PTPN2: variants seen among roughly 807,000 people sequenced by gnomAD.
The protein encoded by PTPN2 is tyrosine-protein phosphatase non-receptor type 2.
In PTPN2, 19 loss-of-function variants were observed where a neutral mutation model predicts 57.3. The ratio of observed to expected loss-of-function variants is 0.33; its 90% CI spans 0.23 to 0.49. PTPN2 has a LOEUF of 0.49. Among genes scored for constraint, PTPN2 ranks in the 20% least tolerant of loss-of-function variants. The pLI is 0.99. For missense variants in PTPN2, 358 were observed against 501.1 expected (o/e 0.71, Z 2.73); for synonymous variants, 153 against 164.9 (o/e 0.93, Z 0.55).
At chr18:12,814,426 T>C in intron 6 of PTPN2, 71 bp from the exon 7 acceptor site, 1 of 1,324,328 alleles carries the variant, frequency 7.6e-7, no homozygotes, top group Non-Finnish European at 1.0e-6. Flanking sequence ...TGCAAGATCA[T>C]TGCTAAGATT....
chr18:12,870,569 C>T (rs576920815), intron 1 of PTPN2, among the ~76,000 whole-genome samples: 39 of 126,338 alleles, frequency 3.1e-4, no homozygotes, highest in African/African-American at 9.4e-4. Context: ...AGTGCAGTGG[C>T]GCGATCTTGG....
chr18:12,875,724 C>T (rs1303196081), intron 1 of PTPN2, among the ~76,000 whole-genome samples: 1 of 152,154 alleles, frequency 6.6e-6, no homozygotes, highest in Non-Finnish European at 1.5e-5. Context: ...CGTACCCAGA[C>T]CTTATCTGTC....
At chr18:12,831,277 G>A (rs572703647) in intron 3 of PTPN2, among the ~76,000 whole-genome samples, 1 of 152,342 alleles carries the variant, frequency 6.6e-6, no homozygotes, top group South Asian at 2.1e-4. Context: ...AAAAGGAATT[G>A]TGTAAGATAT....
chr18:12,793,048 A>T lies in PTPN2; in HGVS notation c.*1230T>A, dbSNP rs529721576. On this transcript the variant is annotated 3_prime_UTR_variant, in exon 9 of 9. Coordinates refer to ENST00000309660, the MANE Select transcript of PTPN2 (RefSeq NM_002828.4). ...TGAGCATAGTTTGAAAACCACTGAA[A>T]TAAGGTATGCTATCCATAATAATGT... 1 of 985,448 alleles carries T rather than the reference A, an allele frequency of 1.0e-6. No individual in the cohort carries two copies. Among genetic ancestry groups the T allele is most frequent in the South Asian group, 4.7e-5 (1 of 21,290 alleles). The allele number at this position is 985,448 out of a possible 1,614,324, so 61.0% of individuals were successfully genotyped here. A position where few individuals can be genotyped will look rare whatever the true frequency, so the allele number is the denominator to read the frequency against.
chr18:12,873,111 CT>C (rs1276596498), intron 1 of PTPN2, among the ~76,000 whole-genome samples: 1 of 151,914 alleles, frequency 6.6e-6, no homozygotes, highest in Non-Finnish European at 1.5e-5. Flanking sequence ...GTCCCTGCTA[CT>C]TGGGAGGCTG....
At chr18:12,830,813 C>A in intron 4 of PTPN2, 130 bp downstream of exon 4, 2 of 592,506 alleles carry the variant, frequency 3.4e-6, no homozygotes, top group East Asian at 3.1e-5. Flanking sequence ...CGGACAGAAA[C>A]ACTTTGACCG....
intron 1 of PTPN2, among the ~76,000 whole-genome samples, chr18:12,878,317 AAAAAG>A (rs1407969752): frequency 2.6e-5 from 4 of 151,960 alleles, no homozygotes; most frequent in Admixed American, 6.6e-5. Context: ...ACCCAGTCTC[AAAAAG>A]AAAAGAAAGA....
rs2041458315 is a variant in PTPN2 at position 12,802,211 on chromosome 18, TA to T, written c.859-61del. ...ACATTAAAAATTTATTTTCCTTAAA[TA>T]AAAAAATTTATGAATTAAAATCCTA... On this transcript the variant is annotated intron_variant, in intron 7 of 8. Transcript: ENST00000309660. The T allele has an allele frequency of 3.2e-6, 4 of 1,252,598 alleles. No individual in the cohort carries two copies. In the Admixed American group the frequency reaches 8.8e-5, roughly 28 times the overall value. The allele number at this position is 1,252,598 out of a possible 1,614,324, so 77.6% of individuals were successfully genotyped here. A position where few individuals can be genotyped will look rare whatever the true frequency, so the allele number is the denominator to read the frequency against.
In PTPN2 at chr18:12,874,565, G is replaced by A. The variant is rs1414854100; in HGVS notation, c.69+9508C>T. Among the ~76,000 whole-genome samples the A allele has an allele frequency of 9.0e-4, 101 of 111,776 alleles. 1 individual carries two copies. The highest frequency in any genetic ancestry group is 3.6e-3 in the African/African-American group (101 of 28,342). The allele number at this position is 111,776 out of a possible 152,430, so 73.3% of individuals were successfully genotyped here. On this transcript the variant is annotated intron_variant, in intron 1 of 8. Transcript: ENST00000309660. ...GGGTCAGCTCCCCGCCCGGCCAGCC[G>A]CCCCGTCCGGGAGGGAGGTGGGGGG...
chr18:12,802,281 A>C, intron 7 of PTPN2, 130 bp from the exon 8 acceptor site: 1 of 746,248 alleles, frequency 1.3e-6, no homozygotes, highest in Non-Finnish European at 2.1e-6. Flanking sequence ...GATGAGTGAA[A>C]AAGAAAAAGG....
intron 5 of PTPN2, chr18:12,818,973 A>C (rs1481729594): frequency 4.2e-6 from 1 of 236,542 alleles, no homozygotes; most frequent in Non-Finnish European, 8.1e-6. Flanking sequence ...GCATGCCTGT[A>C]ATCCCAGCTA....
In PTPN2 at chr18:12,792,851, A is replaced by G; in HGVS notation, c.*1427T>C. On this transcript the variant is annotated 3_prime_UTR_variant, in exon 9 of 9. Coordinates refer to ENST00000309660, the MANE Select transcript of PTPN2 (RefSeq NM_002828.4). Reference sequence around the variant, plus strand: ...GGTGATCTGCCCACTTCAGCCTCCCAAAGTGCTGGGATTACAGGCATGAGC... The same window carrying G: ...GGTGATCTGCCCACTTCAGCCTCCCGAAGTGCTGGGATTACAGGCATGAGC... 2 of 904,114 alleles carry G rather than the reference A, an allele frequency of 2.2e-6. No homozygotes were observed. The highest frequency in any genetic ancestry group is 2.6e-6 in the Non-Finnish European group (2 of 756,160). 56.0% of individuals were successfully genotyped at this position (904,114 alleles called of 1,614,324 possible). A position where few individuals can be genotyped will look rare whatever the true frequency, so the allele number is the denominator to read the frequency against.
intron 1 of PTPN2, chr18:12,880,420 G>C (rs2044630970): frequency 6.6e-6 from 1 of 152,244 alleles, no homozygotes; most frequent in Non-Finnish European, 1.5e-5. Context: ...CTTCATTTTA[G>C]CTACCTCTCC....
chr18:12,801,746 T>C, intron 8 of PTPN2: 1 of 462,674 alleles, frequency 2.2e-6, no homozygotes, highest in South Asian at 2.2e-5. Context: ...TTTGTTTATT[T>C]TCTGTAGAGA....
chr18:12,844,102 G>A (rs1185130814), intron 2 of PTPN2: 5 of 152,230 alleles, frequency 3.3e-5, no homozygotes, highest in Non-Finnish European at 7.3e-5. Flanking sequence ...AGCTACCCAT[G>A]TTGTTACGTC....
At chr18:12,875,662 C>T (rs1000570958) in intron 1 of PTPN2, among the ~76,000 whole-genome samples, 5 of 152,122 alleles carry the variant, frequency 3.3e-5, no homozygotes, top group Non-Finnish European at 5.9e-5. Flanking sequence ...ACAAATCATA[C>T]GTAACGTTTA....
intron 3 of PTPN2, among the ~76,000 whole-genome samples, chr18:12,835,364 G>T (rs994785945): frequency 1.5e-5 from 2 of 136,140 alleles, no homozygotes; most frequent in Non-Finnish European, 3.1e-5. Context: ...AGACTGCAAT[G>T]AACATGATCA....
At position 12,884,212 on chromosome 18, in the gene PTPN2, G is replaced by A. The variant is rs1413232812; in HGVS notation, c.-71C>T. On this transcript the variant is annotated 5_prime_UTR_variant, in exon 1 of 9. Coordinates refer to ENST00000309660, the MANE Select transcript of PTPN2 (RefSeq NM_002828.4). ...AGGCTCAGGCCCCGCACGATCCGGGGAGAGCGCTGGCGCTGCGGCGCATGC... is the reference window on the plus strand; with the variant it reads ...AGGCTCAGGCCCCGCACGATCCGGGAAGAGCGCTGGCGCTGCGGCGCATGC... 1.0e-5 allele frequency: 13 copies of A among 1,273,058 alleles called. No homozygotes were observed. The highest frequency in any genetic ancestry group is 3.2e-5 in the Admixed American group (1 of 31,522). The allele number at this position is 1,273,058 out of a possible 1,614,324, so 78.9% of individuals were successfully genotyped here.
intron 5 of PTPN2, among the ~76,000 whole-genome samples, chr18:12,820,720 C>T (rs954904282): frequency 1.1e-4 from 16 of 152,204 alleles, no homozygotes; most frequent in African/African-American, 3.9e-4. Flanking sequence ...ACGCGGGTTG[C>T]ACCCACAATT....
Sources: gnomAD v4.1 joint callset for allele counts (sites outside exome capture counted in the v4.1 genomes callset) on GRCh38, gnomAD v4.1.1 for gene constraint, MANE v1.5 for transcripts, NCBI Gene and HGNC (gene_info 2026-07-23, HGNC 2026-07-21) for gene names.